Variants in SHB observed in about 807,000 individuals in gnomAD.
SHB encodes SH2 domain-containing adapter protein B.
In SHB, 20 loss-of-function variants were observed where a neutral mutation model predicts 52.3. The ratio of observed to expected loss-of-function variants is 0.38; its 90% CI spans 0.27 to 0.56. SHB has a LOEUF of 0.56. SHB is among the 20% of genes least tolerant of loss of function. SHB has a pLI of 0.71. For synonymous variants in SHB, 397 were observed against 316.5 expected (o/e 1.25, Z -2.70); for missense variants, 825 against 723.3 (o/e 1.14, Z -1.61).
At chr9:37,982,973 G>GCCC (rs58267859) in intron 2 of SHB, among the ~76,000 whole-genome samples, 54,564 of 144,610 alleles carry the variant, frequency 0.38, 10,608 homozygotes, top group East Asian at 0.55. Context: ...CCTCTCTGGT[G>GCCC]CCCCCCCCTC....
At chr9:37,937,409 G>A (rs754208838) in intron 5 of SHB, among the ~76,000 whole-genome samples, 4 of 151,984 alleles carry the variant, frequency 2.6e-5, no homozygotes, top group Non-Finnish European at 5.9e-5. Flanking sequence ...AGCTAGCTTT[G>A]CCAAACCCAA....
intron 2 of SHB, among the ~76,000 whole-genome samples, chr9:37,996,824 A>G (rs964511619): frequency 2.6e-5 from 4 of 152,226 alleles, no homozygotes; most frequent in Non-Finnish European, 5.9e-5. Flanking sequence ...TCTGATTCAC[A>G]TGTCAATTAA....
At chr9:37,945,663 T>C (rs755339437) in intron 5 of SHB, among the ~76,000 whole-genome samples, 40 of 152,272 alleles carry the variant, frequency 2.6e-4, no homozygotes, top group Admixed American at 6.5e-4. Flanking sequence ...TTCCTGATAA[T>C]GAGGTCCATG....
intron 1 of SHB, among the ~76,000 whole-genome samples, chr9:38,043,038 C>T (rs757393545): frequency 6.6e-6 from 1 of 152,186 alleles, no homozygotes; most frequent in African/African-American, 2.4e-5. Context: ...TGCCAAACTC[C>T]GTGCTTTTGG....
At chr9:38,055,240 T>C in intron 1 of SHB, among the ~76,000 whole-genome samples, 1 of 152,226 alleles carries the variant, frequency 6.6e-6, no homozygotes, top group Non-Finnish European at 1.5e-5. Flanking sequence ...CCTGGATTTA[T>C]TCCCCATGAA....
intron 5 of SHB, among the ~76,000 whole-genome samples, chr9:37,947,362 C>T (rs2117887362): frequency 6.6e-6 from 1 of 152,338 alleles, no homozygotes; most frequent in East Asian, 1.9e-4. Flanking sequence ...TCTTGATCTG[C>T]TCTGGCTATT....
At chr9:38,048,786 T>C (rs1474967371) in intron 1 of SHB, among the ~76,000 whole-genome samples, 1 of 152,216 alleles carries the variant, frequency 6.6e-6, no homozygotes, top group African/African-American at 2.4e-5. Flanking sequence ...CCACTTCCCA[T>C]GGCTGGATAT....
rs535491677 is a variant in SHB, at chr9:37,977,645, G to C, written c.839-2808C>G. Among the ~76,000 whole-genome samples the C allele has an allele frequency of 6.4e-4, 97 of 152,290 alleles. No homozygotes were observed. The Middle Eastern group carries it at 0.02, about 32-fold the overall frequency. On this transcript the variant is annotated intron_variant, in intron 2 of 5. Transcript: ENST00000377707. ...TGAAGACCAACTGTTAAGTACGGTG[G>C]ACAACTTCGTAAATCACTAAATCTA...
chr9:37,946,550 C>T (rs774935075), intron 5 of SHB, among the ~76,000 whole-genome samples: 6 of 152,204 alleles, frequency 3.9e-5, no homozygotes, highest in Non-Finnish European at 8.8e-5. Context: ...GAAGGCAGGT[C>T]TGCACTGGAG....
intron 1 of SHB, among the ~76,000 whole-genome samples, chr9:38,066,333 G>GAA (rs1364420423): frequency 1.2e-4 from 19 of 152,208 alleles, no homozygotes; most frequent in African/African-American, 4.1e-4. Context: ...GTCCAGTGCA[G>GAA]TTAGCCGTGA....
Position 38,068,126 on chromosome 9 carries a change from C to T in SHB, c.520G>A (p.Ala174Thr), listed in dbSNP as rs996957777. The change falls in exon 1 of 6, where the codon GCC (alanine) becomes ACC (threonine). Residue 174 changes from alanine (A) to threonine (T), a missense_variant. Coordinates refer to ENST00000377707, the MANE Select transcript of SHB (RefSeq NM_003028.3). ...SSSERRPATP[A>T]EVRYISPKHR... Reference sequence around the variant, plus strand: ...TTGGGGGAGATGTAGCGCACCTCGGCCGGCGTGGCGGGCCGCCGCTCGCTG... The same window carrying T: ...TTGGGGGAGATGTAGCGCACCTCGGTCGGCGTGGCGGGCCGCCGCTCGCTG... The T allele has an allele frequency of 1.1e-5, 16 of 1,459,582 alleles. No individual in the cohort carries two copies. The highest frequency in any genetic ancestry group is 1.4e-5 in the South Asian group (1 of 70,598). The allele number at this position is 1,459,582 out of a possible 1,614,324, so 90.4% of individuals were successfully genotyped here.
At chr9:37,957,621 T>C (rs1335202089) in intron 3 of SHB, among the ~76,000 whole-genome samples, 1 of 152,210 alleles carries the variant, frequency 6.6e-6, no homozygotes, top group Non-Finnish European at 1.5e-5. Flanking sequence ...CCACCCGCGA[T>C]GACACTCCTA....
chr9:37,973,413 G>A (rs1429563395), intron 3 of SHB, among the ~76,000 whole-genome samples: 1 of 152,042 alleles, frequency 6.6e-6, no homozygotes, highest in Non-Finnish European at 1.5e-5. Context: ...AGTAGAGATA[G>A]GGTTTCTCCA....
At chr9:38,047,529 T>C (rs193108616) in intron 1 of SHB, among the ~76,000 whole-genome samples, 11 of 152,376 alleles carry the variant, frequency 7.2e-5, no homozygotes, top group African/African-American at 2.4e-4. Context: ...AACTGCAATC[T>C]GGCTCTGGAA....
chr9:38,068,732 G>T lies in SHB; in HGVS notation c.-87C>A. 1.1e-6 allele frequency: 1 copy of T among 921,028 alleles called. No homozygotes were observed. Among genetic ancestry groups the T allele is most frequent in the Non-Finnish European group, 1.3e-6 (1 of 742,088 alleles). The allele number at this position is 921,028 out of a possible 1,614,324, so 57.1% of individuals were successfully genotyped here. A position where few individuals can be genotyped will look rare whatever the true frequency, so the allele number is the denominator to read the frequency against. On this transcript the variant is annotated 5_prime_UTR_variant, in exon 1 of 6. Transcript: ENST00000377707. ...GGCAGCGCTGCGGCGCAGGTCCCTC[G>T]GCGCCCCGGCCCCGGCGGGGGGCGT...
chr9:37,958,590 T>C (rs1832660861), intron 3 of SHB, among the ~76,000 whole-genome samples: 1 of 152,204 alleles, frequency 6.6e-6, no homozygotes, highest in African/African-American at 2.4e-5. Context: ...AGTTCTTTCC[T>C]GTGTCCAACT....
At chr9:37,979,662 GC>G (rs760950478) in intron 2 of SHB, among the ~76,000 whole-genome samples, 1 of 151,442 alleles carries the variant, frequency 6.6e-6, no homozygotes, top group Admixed American at 6.6e-5. Flanking sequence ...AAAAAAACAG[GC>G]CCCCCCACCA....
At chr9:37,953,172 G>A (rs770621235) in intron 4 of SHB, among the ~76,000 whole-genome samples, 1 of 152,124 alleles carries the variant, frequency 6.6e-6, no homozygotes, top group Non-Finnish European at 1.5e-5. Flanking sequence ...AGAGGGGGTC[G>A]TCTGGGGACC....
At chr9:37,938,970 C>A (rs1324838098) in intron 5 of SHB, among the ~76,000 whole-genome samples, 1 of 152,194 alleles carries the variant, frequency 6.6e-6, no homozygotes, top group African/African-American at 2.4e-5. Flanking sequence ...GCCGGGAGAG[C>A]CACTATCCAC....
Sources: gnomAD v4.1 joint callset for allele counts (sites outside exome capture counted in the v4.1 genomes callset) on GRCh38, gnomAD v4.1.1 for gene constraint, MANE v1.5 for transcripts, NCBI Gene and HGNC (gene_info 2026-07-23, HGNC 2026-07-21) for gene names.